The following CPT1A variants were observed in gnomAD, a reference collection of about 807,000 sequenced individuals.
CPT1A encodes the protein carnitine O-palmitoyltransferase 1, liver isoform.
In CPT1A, 64 loss-of-function variants were observed where a neutral mutation model predicts 100.8. The observed-to-expected ratio is 0.63, with a 90% confidence interval of 0.52 to 0.78. The LOEUF is 0.78. Among genes scored for constraint, CPT1A ranks in the 30% least tolerant of loss-of-function variants. The probability of loss-of-function intolerance (pLI) is 0.00; values close to 1 mark genes in which losing one functional copy is unlikely to be tolerated. For missense variants in CPT1A, 802 were observed against 1,034.1 expected (o/e 0.78, Z 3.08); for synonymous variants, 363 against 396.0 (o/e 0.92, Z 0.99).
intron 1 of CPT1A, among the ~76,000 whole-genome samples, chr11:68,834,512 C>T (rs1046610742): frequency 5.3e-5 from 8 of 152,068 alleles, no homozygotes; most frequent in Non-Finnish European, 1.2e-4. Flanking sequence ...AATACTTTGG[C>T]AGGCGAAGGC....
At chr11:68,806,903 C>T (rs772410586) in intron 4 of CPT1A, among the ~76,000 whole-genome samples, 16 of 151,972 alleles carry the variant, frequency 1.1e-4, no homozygotes, top group Non-Finnish European at 1.9e-4. Context: ...GCACTCCAGT[C>T]TGGGCAACAA....
At chr11:68,774,109 C>T (rs779592533) in intron 13 of CPT1A, among the ~76,000 whole-genome samples, 4 of 152,226 alleles carry the variant, frequency 2.6e-5, no homozygotes, top group Non-Finnish European at 2.9e-5. Flanking sequence ...GAGGTCAAAC[C>T]TCGCACTTAA....
intron 1 of CPT1A, among the ~76,000 whole-genome samples, chr11:68,828,789 C>T (rs767666827): frequency 6.6e-5 from 10 of 152,282 alleles, no homozygotes; most frequent in East Asian, 1.9e-4. Flanking sequence ...ATCCCACTCA[C>T]GGTGTACAAC....
intron 12 of CPT1A, among the ~76,000 whole-genome samples, chr11:68,780,334 G>T (rs1039370488): frequency 1.3e-5 from 2 of 152,212 alleles, no homozygotes; most frequent in Non-Finnish European, 1.5e-5. Flanking sequence ...CCAGGCCGGA[G>T]TGCAGTGGCA....
chr11:68,780,761 A>G lies in CPT1A; in HGVS notation c.1353-16T>C. The G allele has an allele frequency of 6.2e-7, 1 of 1,607,804 alleles. No individual in the cohort carries two copies. Among genetic ancestry groups the G allele is most frequent in the Non-Finnish European group, 8.5e-7 (1 of 1,174,228 alleles). On this transcript the variant is annotated splice_polypyrimidine_tract_variant and intron_variant, in intron 11 of 18. Transcript: ENST00000265641. Reference sequence around the variant, plus strand: ...GTCAAACCACCTACGTGAAACACACATGTGTGGAACTTAAGTGTTTAAAGA... The same window carrying G: ...GTCAAACCACCTACGTGAAACACACGTGTGTGGAACTTAAGTGTTTAAAGA...
At chr11:68,825,794 C>T (rs920237658) in intron 1 of CPT1A, among the ~76,000 whole-genome samples, 3 of 152,122 alleles carry the variant, frequency 2.0e-5, no homozygotes, top group African/African-American at 7.2e-5. Context: ...CAGAAGAGGG[C>T]ACACCTGCTC....
chr11:68,821,040 G>A (rs1856568722), intron 1 of CPT1A, among the ~76,000 whole-genome samples: 2 of 152,212 alleles, frequency 1.3e-5, no homozygotes, highest in South Asian at 4.1e-4. Flanking sequence ...TGTCCCCCAG[G>A]TGGGAGTTCA....
At chr11:68,799,802 G>A (rs1054269297) in intron 5 of CPT1A, among the ~76,000 whole-genome samples, 1 of 151,446 alleles carries the variant, frequency 6.6e-6, no homozygotes, top group African/African-American at 2.4e-5. Flanking sequence ...AGTTGGTCTT[G>A]GCAGTCCTTA....
chr11:68,793,203 A>G, intron 9 of CPT1A, 112 bp downstream of exon 9: 3 of 700,860 alleles, frequency 4.3e-6, no homozygotes, highest in East Asian at 5.5e-5. Flanking sequence ...CCAGCCTACA[A>G]TCTCAGGAAG....
At chr11:68,817,789 A>G (rs1250384915) in intron 1 of CPT1A, among the ~76,000 whole-genome samples, 1 of 145,330 alleles carries the variant, frequency 6.9e-6, no homozygotes, top group Non-Finnish European at 1.5e-5. Flanking sequence ...GGTCAAGAGC[A>G]GGCCAGCGGG....
intron 1 of CPT1A, among the ~76,000 whole-genome samples, chr11:68,840,820 C>A (rs1857140537): frequency 6.6e-6 from 1 of 152,226 alleles, no homozygotes; most frequent in Admixed American, 6.5e-5. Flanking sequence ...CCCGCGTGGC[C>A]CTGACCGCAC....
At chr11:68,842,549 A>G (rs143061458), upstream of CPT1A, among the ~76,000 whole-genome samples, 1,584 of 152,340 alleles carry the variant, frequency 0.01, 30 homozygotes, top group African/African-American at 0.036. Flanking sequence ...ATCGCGATCC[A>G]GAGGCAGCGT....
intron 1 of CPT1A, among the ~76,000 whole-genome samples, chr11:68,835,534 G>C (rs1856988341): frequency 6.6e-6 from 1 of 152,226 alleles, no homozygotes; most frequent in Non-Finnish European, 1.5e-5. Flanking sequence ...TTGTTTGCTA[G>C]AGCCTGTATT....
intron 1 of CPT1A, among the ~76,000 whole-genome samples, chr11:68,837,817 C>A (rs1359198786): frequency 6.6e-6 from 1 of 152,156 alleles, no homozygotes; most frequent in Non-Finnish European, 1.5e-5. Context: ...CAGAGCAAGA[C>A]CTTGTCACTA....
intron 4 of CPT1A, among the ~76,000 whole-genome samples, chr11:68,806,081 C>G (rs1856038403): frequency 6.6e-6 from 1 of 150,844 alleles, no homozygotes. Context: ...AGTGACACAA[C>G]CACAGCTCAC....
chr11:68,769,598 C>T (rs1477538572), intron 14 of CPT1A, among the ~76,000 whole-genome samples: 1 of 152,038 alleles, frequency 6.6e-6, no homozygotes, highest in Non-Finnish European at 1.5e-5. Flanking sequence ...TGAAAAAGTA[C>T]ATGTCCACCT....
chr11:68,796,087 C>G (rs895330742), intron 7 of CPT1A, among the ~76,000 whole-genome samples: 2 of 152,074 alleles, frequency 1.3e-5, no homozygotes, highest in Non-Finnish European at 2.9e-5. Flanking sequence ...AAAGACAAAG[C>G]CCAGGAAACC....
intron 1 of CPT1A, among the ~76,000 whole-genome samples, chr11:68,829,397 G>A (rs2154002480): frequency 6.6e-6 from 1 of 152,260 alleles, no homozygotes; most frequent in East Asian, 1.9e-4. Context: ...TCACAGCCCT[G>A]GTGGGAAAAG....
intron 6 of CPT1A, 123 bp from the exon 7 acceptor site, chr11:68,797,056 CA>C (rs1196306369): frequency 2.4e-5 from 20 of 842,412 alleles, no homozygotes; most frequent in South Asian, 1.4e-5. Context: ...CGGCGTCTAA[CA>C]GGGGCCATTC....
Sources: allele counts gnomAD v4.1 joint callset (sites outside exome capture counted in the v4.1 genomes callset), GRCh38; gene constraint gnomAD v4.1.1; transcripts MANE v1.5; gene names NCBI Gene and HGNC (gene_info 2026-07-23, HGNC 2026-07-21).